Variants in RNF217 observed in about 807,000 individuals in gnomAD.
RNF217 encodes the protein ring finger protein 217, also known as E3 ubiquitin-protein ligase RNF217.
In RNF217, 31 loss-of-function variants were observed where a neutral mutation model predicts 57.8. The ratio of observed to expected loss-of-function variants is 0.54; its 90% CI spans 0.40 to 0.72. The LOEUF (loss-of-function observed/expected upper bound fraction) is 0.72. RNF217 is among the 30% of genes least tolerant of loss of function. The pLI, the probability that RNF217 is intolerant of heterozygous loss-of-function variation, is 0.00. For missense variants in RNF217, 696 were observed against 708.3 expected, an observed-to-expected ratio of 0.98 and a Z score of 0.20; for synonymous variants, 313 against 294.0, an observed-to-expected ratio of 1.06 and a Z score of -0.66.
chr6:124,975,129 T>C (rs1335499539), intron 1 of RNF217, among the ~76,000 whole-genome samples: 1 of 152,218 alleles, frequency 6.6e-6, no homozygotes, highest in Admixed American at 6.5e-5. Flanking sequence ...GCTTCCCTTT[T>C]TGTGGTATTG....
intron 1 of RNF217, among the ~76,000 whole-genome samples, chr6:125,000,917 C>T (rs560845973): frequency 2.0e-5 from 3 of 152,070 alleles, no homozygotes; most frequent in Middle Eastern, 3.4e-3. Flanking sequence ...ATATGTAATG[C>T]CATGGATATT....
intron 3 of RNF217, among the ~76,000 whole-genome samples, chr6:125,071,128 A>G (rs762150629): frequency 6.6e-6 from 1 of 152,152 alleles, no homozygotes; most frequent in Non-Finnish European, 1.5e-5. Context: ...CTTGAGGAGG[A>G]CAGGTACTAT....
intron 4 of RNF217, 106 bp downstream of exon 4, chr6:125,076,964 A>G: frequency 2.1e-6 from 2 of 956,414 alleles, no homozygotes; most frequent in South Asian, 2.9e-5. Context: ...CCATGTGCCC[A>G]GTGTTCAGAG....
intron 1 of RNF217, among the ~76,000 whole-genome samples, chr6:124,994,546 G>A (rs2115053116): frequency 6.6e-6 from 1 of 152,224 alleles, no homozygotes; most frequent in South Asian, 2.1e-4. Context: ...CTTCAGATGT[G>A]TGAATCTGTT....
chr6:125,084,271 A>G lies in RNF217; in HGVS notation c.*1334A>G, dbSNP rs1272759756. The G allele has an allele frequency of 6.6e-6, 1 of 151,920 alleles. No homozygotes were observed. The highest frequency in any genetic ancestry group is 1.5e-5 in the Non-Finnish European group (1 of 67,894). 9.4% of individuals were successfully genotyped at this position (151,920 alleles called of 1,614,324 possible). A position where few individuals can be genotyped will look rare whatever the true frequency, so the allele number is the denominator to read the frequency against. ...TTGTCCAATATCAGCTGCTTTTGGG[A>G]AAGGAAACAAAAAAGTGAAGGAAAT... On this transcript the variant is annotated 3_prime_UTR_variant, in exon 6 of 6. Coordinates refer to ENST00000521654, the MANE Select transcript of RNF217 (RefSeq NM_001286398.3).
At position 125,092,395 on chromosome 6, in the gene RNF217, A is replaced by G. The variant is rs1438390153; in HGVS notation, c.*9458A>G. 6.6e-6 allele frequency: 1 copy of G among 152,214 alleles called. No homozygotes were observed. The highest frequency in any genetic ancestry group is 1.9e-4 in the East Asian group (1 of 5,204). The allele number at this position is 152,214 out of a possible 1,614,324, so 9.4% of individuals were successfully genotyped here. On this transcript the variant is annotated 3_prime_UTR_variant, in exon 6 of 6. Coordinates refer to ENST00000521654, the MANE Select transcript of RNF217 (RefSeq NM_001286398.3). ...TGTTGTGGTTGGGCTTTTATAAAAAATTATTTTCGGTTGGTTGTTGTAGAA... is the reference window on the plus strand; with the variant it reads ...TGTTGTGGTTGGGCTTTTATAAAAAGTTATTTTCGGTTGGTTGTTGTAGAA...
intron 1 of RNF217, among the ~76,000 whole-genome samples, chr6:125,002,437 G>C (rs1417715502): frequency 6.7e-6 from 1 of 149,726 alleles, no homozygotes; most frequent in Non-Finnish European, 1.5e-5. Flanking sequence ...CGTGCCCCCT[G>C]CACGCCCCTA....
intron 2 of RNF217, among the ~76,000 whole-genome samples, chr6:125,053,944 T>C (rs1787424252): frequency 6.6e-6 from 1 of 152,190 alleles, no homozygotes; most frequent in Admixed American, 6.6e-5. Context: ...CATCATCTGA[T>C]AATATAGGAA....
At chr6:125,019,119 C>T (rs1368180052) in intron 1 of RNF217, among the ~76,000 whole-genome samples, 1 of 152,192 alleles carries the variant, frequency 6.6e-6, no homozygotes, top group Non-Finnish European at 1.5e-5. Flanking sequence ...ATGAGGCTGG[C>T]TCACAGATCT....
chr6:125,022,031 A>T (rs918683626), intron 1 of RNF217, among the ~76,000 whole-genome samples: 62 of 151,944 alleles, frequency 4.1e-4, no homozygotes, highest in African/African-American at 1.4e-3. Flanking sequence ...ACAAGCATGC[A>T]CCACCACACC....
intron 2 of RNF217, chr6:125,046,463 A>G (rs1787103171): frequency 5.0e-6 from 2 of 397,230 alleles, no homozygotes; most frequent in Admixed American, 2.9e-5. Context: ...ATGACACACC[A>G]GTGCCCCAGG....
intron 1 of RNF217, chr6:124,971,545 T>C: frequency 3.5e-6 from 1 of 286,936 alleles, no homozygotes; most frequent in Admixed American, 3.9e-5. Context: ...AACCTCCACA[T>C]CCCAGGTTCA....
chr6:124,999,244 T>C (rs755796003), intron 1 of RNF217, among the ~76,000 whole-genome samples: 1 of 152,218 alleles, frequency 6.6e-6, no homozygotes, highest in East Asian at 1.9e-4. Context: ...ATTCCATTTT[T>C]AATCTGCCCG....
At chr6:124,997,745 A>G (rs919952794) in intron 1 of RNF217, among the ~76,000 whole-genome samples, 3 of 152,140 alleles carry the variant, frequency 2.0e-5, no homozygotes, top group Non-Finnish European at 2.9e-5. Flanking sequence ...ACAGCCCTGA[A>G]CACTTTCCCT....
At chr6:125,019,846 A>G (rs945929196) in intron 1 of RNF217, among the ~76,000 whole-genome samples, 55 of 151,216 alleles carry the variant, frequency 3.6e-4, no homozygotes, top group African/African-American at 1.3e-3. Flanking sequence ...GGGGGGAGTG[A>G]AAAAATCCTT....
chr6:125,021,497 C>T (rs532206818), intron 1 of RNF217, among the ~76,000 whole-genome samples: 1 of 152,166 alleles, frequency 6.6e-6, no homozygotes, highest in South Asian at 2.1e-4. Flanking sequence ...GAACTCCTGA[C>T]CTCGTGATCT....
chr6:124,970,690 G>T (rs1310103239), intron 1 of RNF217, among the ~76,000 whole-genome samples: 2 of 152,182 alleles, frequency 1.3e-5, no homozygotes, highest in Non-Finnish European at 2.9e-5. Context: ...CCTGTGGAGG[G>T]AGTGTCAGTA....
intron 1 of RNF217, among the ~76,000 whole-genome samples, chr6:125,033,772 T>C (rs369798217): frequency 6.6e-6 from 1 of 151,984 alleles, no homozygotes; most frequent in Admixed American, 6.6e-5. Flanking sequence ...ATCGCCACAC[T>C]GACTTCCACA....
At chr6:124,968,958 A>G (rs369485883) in intron 1 of RNF217, among the ~76,000 whole-genome samples, 1 of 152,230 alleles carries the variant, frequency 6.6e-6, no homozygotes, top group Admixed American at 6.5e-5. Context: ...GATACTCTAT[A>G]AATGTATTAA....
Sources: allele counts gnomAD v4.1 joint callset (sites outside exome capture counted in the v4.1 genomes callset), GRCh38; gene constraint gnomAD v4.1.1; transcripts MANE v1.5; gene names NCBI Gene and HGNC (gene_info 2026-07-23, HGNC 2026-07-21).